DNAJB4: variants seen among roughly 807,000 people sequenced by gnomAD.
DNAJB4 encodes DnaJ heat shock protein family (Hsp40) member B4, also known as dnaJ homolog subfamily B member 4.
In DNAJB4, 10 loss-of-function variants were observed where a neutral mutation model predicts 26.6. That is an observed-to-expected ratio of 0.38 (90% CI 0.23 to 0.64). DNAJB4 has a LOEUF of 0.64. Among genes scored for constraint, DNAJB4 ranks in the 30% least tolerant of loss-of-function variants. DNAJB4 has a pLI of 0.58. For missense variants in DNAJB4, 328 were observed against 408.2 expected, an observed-to-expected ratio of 0.80 and a Z score of 1.69; for synonymous variants, 136 against 134.8, an observed-to-expected ratio of 1.01 and a Z score of -0.06.
intron 2 of DNAJB4, among the ~76,000 whole-genome samples, 197 bp from the exon 3 acceptor site, chr1:78,015,817 G>C (rs976873314): frequency 2.0e-5 from 3 of 151,882 alleles, no homozygotes; most frequent in African/African-American, 7.3e-5. Context: ...CCAAAATGTT[G>C]AGATTACAGG....
chr1:77,979,379 G>A (rs1206644256), upstream of DNAJB4: 1 of 223,608 alleles, frequency 4.5e-6, no homozygotes, highest in Non-Finnish European at 8.9e-6. Context: ...GAAGCCTGAA[G>A]AAAAGGTTGT....
In DNAJB4 at chr1:78,016,342, G is replaced by A. The variant is rs141568969; in HGVS notation, c.*95G>A. On this transcript the variant is annotated 3_prime_UTR_variant, in exon 3 of 3. Transcript: ENST00000370763. ...GTAGATGTGAATTCTGTATAAAGAT[G>A]TGTAAATTCTTTTGAGGGTTCATTA... 189 of 1,073,762 alleles carry A rather than the reference G, an allele frequency of 1.8e-4. 1 individual carries two copies. The East Asian group carries it at 4.4e-3, about 25-fold the overall frequency. 66.5% of individuals were successfully genotyped at this position (1,073,762 alleles called of 1,614,324 possible). A position where few individuals can be genotyped will look rare whatever the true frequency, so the allele number is the denominator to read the frequency against.
intron 1 of DNAJB4, among the ~76,000 whole-genome samples, chr1:78,010,522 C>T (rs1317471107): frequency 4.6e-5 from 7 of 152,114 alleles, no homozygotes; most frequent in Admixed American, 2.0e-4. Flanking sequence ...AGGAATTTCC[C>T]TAACTGCTAT....
Position 78,005,609 on chromosome 1 carries a change from T to C in DNAJB4, c.211+288T>C, listed in dbSNP as rs558664718. Among the ~76,000 whole-genome samples, 53 of 152,326 alleles carry C rather than the reference T, an allele frequency of 3.5e-4. No homozygotes were observed. The Middle Eastern group carries it at 0.01, about 29-fold the overall frequency. ...CATTAGACTTACAATGTTAACAATG[T>C]ATATTTTAAAATAAACCTTGAATTC... On this transcript the variant is annotated intron_variant, in intron 1 of 2. Transcript: ENST00000370763.
At chr1:77,981,925 A>T (rs1321553787) in intron 1 of DNAJB4, among the ~76,000 whole-genome samples, 1 of 152,162 alleles carries the variant, frequency 6.6e-6, no homozygotes, top group East Asian at 1.9e-4. Flanking sequence ...GCATCATAGG[A>T]TATATAGGAA....
chr1:77,992,136 G>A (rs539093435), intron 1 of DNAJB4, among the ~76,000 whole-genome samples: 2 of 152,034 alleles, frequency 1.3e-5, no homozygotes, highest in Non-Finnish European at 2.9e-5. Context: ...AAATGAGGCC[G>A]GGCGCGGTGG....
At chr1:78,015,244 T>C (rs563646997) in intron 2 of DNAJB4, among the ~76,000 whole-genome samples, 1 of 152,210 alleles carries the variant, frequency 6.6e-6, no homozygotes, top group Non-Finnish European at 1.5e-5. Flanking sequence ...ACATTTGTTA[T>C]CTAAAACAAA....
At chr1:78,000,310 A>C (rs1481724321), upstream of DNAJB4, among the ~76,000 whole-genome samples, 1 of 152,228 alleles carries the variant, frequency 6.6e-6, no homozygotes, top group Non-Finnish European at 1.5e-5. Flanking sequence ...AGTATCACAC[A>C]TTGATTGCAT....
intron 2 of DNAJB4, 150 bp downstream of exon 2, chr1:78,013,769 T>C: frequency 3.2e-6 from 2 of 619,734 alleles, no homozygotes; most frequent in Non-Finnish European, 2.6e-6. Context: ...ACTAGTATTA[T>C]ACCTCTTTTA....
upstream of DNAJB4, among the ~76,000 whole-genome samples, chr1:78,001,756 G>A (rs1479248484): frequency 6.6e-6 from 1 of 152,154 alleles, no homozygotes; most frequent in Non-Finnish European, 1.5e-5. Context: ...TTGAACTCCT[G>A]AGCTCAAGTG....
intron 1 of DNAJB4, among the ~76,000 whole-genome samples, chr1:77,993,381 C>T (rs1659982840): frequency 6.6e-6 from 1 of 152,088 alleles, no homozygotes; most frequent in Non-Finnish European, 1.5e-5. Flanking sequence ...GTGGAACAAT[C>T]TTGGCTCACT....
Position 78,013,597 on chromosome 1 carries a change from C to T in DNAJB4, c.758C>T (p.Thr253Ile), listed in dbSNP as rs11589750. Residue 253 changes from threonine (T) to isoleucine (I), a missense_variant, in exon 2 of 3, where the codon ACT (threonine) becomes ATT (isoleucine). By Grantham distance (89) the Thr-to-Ile change is moderately conservative. Coordinates refer to ENST00000370763, the MANE Select transcript of DNAJB4 (RefSeq NM_007034.5). ...AGGGATGGATCAAATATAATTTATA[C>T]TGCTAAAATTAGTTTACGAGAGGTA... The part of the protein sequence containing the change: ...FKRDGSNIIY[T>I]AKISLREALC... 396 of 1,593,436 alleles carry T rather than the reference C, an allele frequency of 2.5e-4. 1 individual carries two copies. Among genetic ancestry groups the T allele is most frequent in the Middle Eastern group, 1.3e-3 (8 of 5,944 alleles).
chr1:77,986,992 G>T (rs1659806783), intron 1 of DNAJB4, among the ~76,000 whole-genome samples: 1 of 152,026 alleles, frequency 6.6e-6, no homozygotes, highest in South Asian at 2.1e-4. Flanking sequence ...TCTGCTACCA[G>T]TGTCCCTACC....
chr1:78,011,889 A>G (rs973638781), intron 1 of DNAJB4, among the ~76,000 whole-genome samples: 1 of 150,102 alleles, frequency 6.7e-6, no homozygotes, highest in African/African-American at 2.4e-5. Flanking sequence ...TTTTATTTAT[A>G]TATAAACAGT....
intron 1 of DNAJB4, among the ~76,000 whole-genome samples, chr1:77,998,842 C>CTAAATAAA (rs34957865): frequency 0.035 from 5,320 of 150,202 alleles, 133 homozygotes; most frequent in Middle Eastern, 0.062. Flanking sequence ...GATCCTGTCT[C>CTAAATAAA]TAAATAAATA....
chr1:77,988,968 G>C (rs1394040402), intron 1 of DNAJB4, among the ~76,000 whole-genome samples: 1 of 152,160 alleles, frequency 6.6e-6, no homozygotes, highest in Admixed American at 6.5e-5. Flanking sequence ...GTGGGATTTA[G>C]TAATTGTTTG....
At chr1:77,989,173 G>A (rs370507462) in intron 1 of DNAJB4, among the ~76,000 whole-genome samples, 5 of 152,074 alleles carry the variant, frequency 3.3e-5, no homozygotes, top group South Asian at 2.1e-4. Flanking sequence ...ATAAATTGTC[G>A]TCGTCTACTT....
chr1:77,984,687 C>G (rs1185771046), intron 1 of DNAJB4, among the ~76,000 whole-genome samples: 5 of 152,076 alleles, frequency 3.3e-5, no homozygotes, highest in Non-Finnish European at 7.4e-5. Context: ...TTTGGTTTGC[C>G]CAGTATGCTT....
rs1557512633 is a variant in DNAJB4 at position 78,013,317 on chromosome 1, G to A, written c.478G>A (p.Val160Ile). ...ATCCCGCCTCAAACAAGATCCTCCAGTTATTCATGAACTTAGAGTATCACT... is the reference window on the plus strand; with the variant it reads ...ATCCCGCCTCAAACAAGATCCTCCAATTATTCATGAACTTAGAGTATCACT... Reference protein sequence around the residue: ...GPSRLKQDPPVIHELRVSLEE... With the variant: ...GPSRLKQDPPIIHELRVSLEE... The change falls in exon 2 of 3, where the codon GTT becomes ATT. Residue 160 changes from valine to isoleucine, a missense_variant. By Grantham distance (29) the Val-to-Ile change is conservative (BLOSUM62 3). Transcript: ENST00000370763. 6.2e-7 allele frequency: 1 copy of A among 1,614,118 alleles called. No individual in the cohort carries two copies.
Sources: gnomAD v4.1 joint callset for allele counts (sites outside exome capture counted in the v4.1 genomes callset) on GRCh38, gnomAD v4.1.1 for gene constraint, MANE v1.5 for transcripts, NCBI Gene and HGNC (gene_info 2026-07-23, HGNC 2026-07-21) for gene names.